Variants in CELF2 observed in about 807,000 individuals in gnomAD.
The protein encoded by CELF2 is CUGBP Elav-like family member 2, also known as CUG triplet repeat RNA-binding protein 2.
A neutral mutation model predicts 62.6 loss-of-function variants in CELF2; 8 were observed. The observed-to-expected ratio is 0.13, with a 90% CI of 0.07 to 0.23. CELF2 has a LOEUF of 0.23. CELF2 is among the 10% of genes least tolerant of loss of function. The probability of loss-of-function intolerance (pLI) is 1.00; values close to 1 mark genes in which losing one functional copy is unlikely to be tolerated. For synonymous variants in CELF2, 258 were observed against 250.0 expected, an observed-to-expected ratio of 1.03 and a Z score of -0.30; for missense variants, 333 against 671.0, an observed-to-expected ratio of 0.50 and a Z score of 5.56.
the CELF2 span, among the ~76,000 whole-genome samples, chr10:10,656,957 A>G: frequency 6.6e-6 from 1 of 151,934 alleles, no homozygotes; most frequent in South Asian, 2.1e-4. Context: ...ACACAAAAAA[A>G]CTTACACATT....
chr10:10,890,161 C>T (rs2062030645), intron 1 of CELF2, among the ~76,000 whole-genome samples: 1 of 152,020 alleles, frequency 6.6e-6, no homozygotes, highest in South Asian at 2.1e-4. Flanking sequence ...GTAAAATGAA[C>T]AGCCAAAGAG....
intron 3 of CELF2, among the ~76,000 whole-genome samples, chr10:11,236,429 G>A (rs2071323009): frequency 6.6e-6 from 1 of 152,198 alleles, no homozygotes; most frequent in African/African-American, 2.4e-5. Flanking sequence ...GCCTTGCGTT[G>A]TGCAGGAAAC....
chr10:10,887,359 C>A (rs149059654), intron 1 of CELF2, among the ~76,000 whole-genome samples: 2 of 152,226 alleles, frequency 1.3e-5, no homozygotes, highest in African/African-American at 2.4e-5. Context: ...CTCCAGCCTA[C>A]GAAGAAAAAT....
intron 2 of CELF2, among the ~76,000 whole-genome samples, chr10:10,965,023 A>G (rs539841777): frequency 1.4e-4 from 22 of 152,314 alleles, no homozygotes; most frequent in African/African-American, 5.1e-4. Flanking sequence ...ATAAAACAGC[A>G]TATTTACATA....
chr10:10,799,928 A>G lies in CELF2; in HGVS notation c.53+1111A>G, dbSNP rs116703118. 4.3e-3 allele frequency among the ~76,000 whole-genome samples: 652 copies of G among 152,286 alleles called. 4 individuals are homozygous for G. The highest frequency in any genetic ancestry group is 0.015 in the African/African-American group (625 of 41,562). On this transcript the variant is annotated intron_variant, in intron 1 of 13. Transcript: ENST00000636488. ...CTGCACAGTGTCATGTCTTCCAAAT[A>G]CCTTCCCCAAAACATGGCTTCATAG... is the stretch of plus-strand genomic sequence containing the variant.
chr10:11,183,377 G>C (rs2074011002), intron 2 of CELF2, among the ~76,000 whole-genome samples: 1 of 152,142 alleles, frequency 6.6e-6, no homozygotes, highest in African/African-American at 2.4e-5. Context: ...GTCATTTGCT[G>C]AATATTTTAA....
chr10:10,734,986 C>T, the CELF2 span, among the ~76,000 whole-genome samples: 1 of 152,178 alleles, frequency 6.6e-6, no homozygotes, highest in Non-Finnish European at 1.5e-5. Flanking sequence ...CTTGCCAAAT[C>T]AAACTCTAGT....
the CELF2 span, among the ~76,000 whole-genome samples, chr10:10,709,384 T>A: frequency 1.3e-5 from 2 of 152,222 alleles, no homozygotes; most frequent in Non-Finnish European, 2.9e-5. Flanking sequence ...CATTCTTGTA[T>A]TTCAAAATTG....
At chr10:10,828,867 C>T (rs1304544694) in intron 1 of CELF2, among the ~76,000 whole-genome samples, 2 of 152,110 alleles carry the variant, frequency 1.3e-5, no homozygotes, top group African/African-American at 4.8e-5. Context: ...TGCATGATCC[C>T]ACTGAAAGTG....
At chr10:10,768,597 G>A in the CELF2 span, among the ~76,000 whole-genome samples, 1 of 147,040 alleles carries the variant, frequency 6.8e-6, no homozygotes, top group Admixed American at 6.8e-5. Context: ...TTTTTAAGAT[G>A]GAGTGTCATT....
chr10:10,471,442 A>G, the CELF2 span, among the ~76,000 whole-genome samples: 1 of 151,750 alleles, frequency 6.6e-6, no homozygotes, highest in Non-Finnish European at 1.5e-5. Flanking sequence ...TACATTTATA[A>G]TTGTTACATT....
intron 1 of CELF2, among the ~76,000 whole-genome samples, chr10:10,893,837 T>C (rs2062336109): frequency 6.6e-6 from 1 of 152,102 alleles, no homozygotes; most frequent in Non-Finnish European, 1.5e-5. Flanking sequence ...GGGATGGCGC[T>C]AAACTGTTCA....
At chr10:11,283,770 T>C (rs1430413227) in intron 8 of CELF2, among the ~76,000 whole-genome samples, 5 of 147,044 alleles carry the variant, frequency 3.4e-5, no homozygotes, top group Non-Finnish European at 7.5e-5. Context: ...CATTAATCAG[T>C]GCCAGATCAT....
chr10:11,167,471 A>G (rs2067557608), intron 2 of CELF2, among the ~76,000 whole-genome samples: 1 of 152,234 alleles, frequency 6.6e-6, no homozygotes, highest in African/African-American at 2.4e-5. Context: ...GAGCTCACTT[A>G]CTGTTATGAT....
intron 1 of CELF2, among the ~76,000 whole-genome samples, chr10:10,824,905 T>G (rs1194625127): frequency 6.6e-6 from 1 of 152,208 alleles, no homozygotes; most frequent in Non-Finnish European, 1.5e-5. Flanking sequence ...GAAAAGAACA[T>G]GGACCTGGGC....
In CELF2 at chr10:11,331,228, T is replaced by TGAGTCTTAATGTTCTTTG. The variant is rs1191055224; in HGVS notation, c.*2176_*2193dup. ...TGTGAATTAAGTTGTGGTTTCATCA[T>TGAGTCTTAATGTTCTTTG]GAGTCTTAATGTTCTTTGTTGATAA... is the stretch of plus-strand genomic sequence containing the variant. On this transcript the variant is annotated 3_prime_UTR_variant, in exon 13 of 13. Coordinates refer to ENST00000633077, the MANE Select transcript of CELF2 (RefSeq NM_001326342.2). 1 of 151,460 alleles carries TGAGTCTTAATGTTCTTTG rather than the reference T, an allele frequency of 6.6e-6. No individual in the cohort carries two copies. The highest frequency in any genetic ancestry group is 1.5e-5 in the Non-Finnish European group (1 of 67,910). 9.4% of individuals were successfully genotyped at this position (151,460 alleles called of 1,614,324 possible). A position where few individuals can be genotyped will look rare whatever the true frequency, so the allele number is the denominator to read the frequency against.
chr10:10,514,254 C>A, the CELF2 span, among the ~76,000 whole-genome samples: 75,853 of 152,002 alleles, frequency 0.5, 20,184 homozygotes, highest in East Asian at 0.74. Flanking sequence ...TTTGCAGAGA[C>A]AATTGGCTAT....
At position 10,983,128 on chromosome 10, in the gene CELF2, T is replaced by C. The variant is rs1164884068; in HGVS notation, c.89+63129T>C. Among the ~76,000 whole-genome samples the C allele has an allele frequency of 1.3e-5, 2 of 152,192 alleles. No individual in the cohort carries two copies. Among genetic ancestry groups the C allele is most frequent in the African/African-American group, 4.8e-5 (2 of 41,444 alleles). On this transcript the variant is annotated intron_variant, in intron 2 of 13. Transcript: ENST00000636488. The surrounding 1 kb of genome is among the most constrained non-coding windows in gnomAD (Gnocchi z 5.2). ...CATTTTAAAAAATAATTTAAGCTCT[T>C]TTTTCATTATTTTTTTTTCAATTTT...
At chr10:11,001,426 TA>T (rs2054509013), upstream of CELF2, among the ~76,000 whole-genome samples, 1 of 152,110 alleles carries the variant, frequency 6.6e-6, no homozygotes, top group Non-Finnish European at 1.5e-5. Flanking sequence ...TTTTGCAATG[TA>T]AATGCCAAAA....
Sources: allele counts gnomAD v4.1 joint callset (sites outside exome capture counted in the v4.1 genomes callset), GRCh38; gene constraint gnomAD v4.1.1; non-coding constraint Gnocchi (gnomAD v3.1); transcripts MANE v1.5; gene names NCBI Gene and HGNC (gene_info 2026-07-23, HGNC 2026-07-21).